DNAJC18: variants seen among roughly 807,000 people sequenced by gnomAD.
DNAJC18 encodes the protein dnaJ homolog subfamily C member 18.
DNAJC18 carries 40 observed loss-of-function variants against 48.6 expected under a neutral mutation model. That is an observed-to-expected ratio of 0.82 (90% confidence interval 0.64 to 1.07). The LOEUF (loss-of-function observed/expected upper bound fraction) is 1.07. Ranked by LOEUF, DNAJC18 falls within the 50% of genes least tolerant of loss-of-function variation. DNAJC18 has a pLI of 0.00. For missense variants in DNAJC18, 340 were observed against 427.7 expected, an observed-to-expected ratio of 0.79 and a Z score of 1.81; for synonymous variants, 135 against 152.2, an observed-to-expected ratio of 0.89 and a Z score of 0.83.
chr5:139,433,156 A>G (rs1581422238), intron 2 of DNAJC18, among the ~76,000 whole-genome samples: 1 of 152,210 alleles, frequency 6.6e-6, no homozygotes, highest in South Asian at 2.1e-4. Context: ...CATTTTCAAT[A>G]TGAGATGAAA....
chr5:139,418,572 G>T, intron 7 of DNAJC18: 1 of 334,618 alleles, frequency 3.0e-6, no homozygotes, highest in Non-Finnish European at 6.0e-6. Context: ...CAATAAATTG[G>T]AATTTCCTCT....
intron 6 of DNAJC18, among the ~76,000 whole-genome samples, chr5:139,421,381 G>A (rs1361218850): frequency 2.6e-5 from 4 of 152,138 alleles, no homozygotes; most frequent in Non-Finnish European, 5.9e-5. Flanking sequence ...CCTGGGAGAA[G>A]GGGATTACAG....
At chr5:139,422,897 G>C (rs1267663289) in intron 5 of DNAJC18, 80 bp from the exon 6 acceptor site, 58 of 874,950 alleles carry the variant, frequency 6.6e-5, no homozygotes, top group African/African-American at 1.1e-4. Context: ...GTGCAGTGGT[G>C]CGATCTCGGC....
chr5:139,420,427 T>A, intron 6 of DNAJC18: 1 of 530,400 alleles, frequency 1.9e-6, no homozygotes, highest in Non-Finnish European at 3.2e-6. Flanking sequence ...AGCAAGTTCA[T>A]ACTATGAATT....
chr5:139,430,715 T>C (rs1221299500), intron 2 of DNAJC18, among the ~76,000 whole-genome samples: 1 of 151,752 alleles, frequency 6.6e-6, no homozygotes, highest in Non-Finnish European at 1.5e-5. Context: ...GACTACAGGC[T>C]TGCATCACCA....
chr5:139,432,426 G>A (rs1294957119), intron 2 of DNAJC18, among the ~76,000 whole-genome samples: 8 of 152,130 alleles, frequency 5.3e-5, no homozygotes, highest in Non-Finnish European at 1.2e-4. Context: ...GCCTCCCAAA[G>A]TGCTGGGATT....
Position 139,411,808 on chromosome 5 carries a change from T to TG in DNAJC18, c.*2339dup, listed in dbSNP as rs1364257762. On this transcript the variant is annotated 3_prime_UTR_variant, in exon 8 of 8. Coordinates refer to ENST00000302060, the MANE Select transcript of DNAJC18 (RefSeq NM_152686.4). ...GAAGTCCATAAAATGTGTGACTACC[T>TG]GATTCCTGGGCATCTAGGACAGGGT... 1 of 152,238 alleles carries TG rather than the reference T, an allele frequency of 6.6e-6. No homozygotes were observed. The highest frequency in any genetic ancestry group is 1.5e-5 in the Non-Finnish European group (1 of 68,042). The allele number at this position is 152,238 out of a possible 1,614,324, so 9.4% of individuals were successfully genotyped here. A position where few individuals can be genotyped will look rare whatever the true frequency, so the allele number is the denominator to read the frequency against.
rs1750738704 is a variant in DNAJC18 at position 139,439,074 on chromosome 5, G to A, written c.40+332C>T. Reference sequence around the variant, plus strand: ...CCAGTTAGGCGAAAGATAAGGGCCAGGTTAGCAAGCTGCGGAGAGACCGCA... The same window carrying A: ...CCAGTTAGGCGAAAGATAAGGGCCAAGTTAGCAAGCTGCGGAGAGACCGCA... On this transcript the variant is annotated intron_variant, in intron 1 of 7. Coordinates refer to ENST00000302060, the MANE Select transcript of DNAJC18 (RefSeq NM_152686.4). This position sits in a 1 kb window ranked among gnomAD's most constrained non-coding sequence, Gnocchi z 4.1. 6.6e-6 allele frequency among the ~76,000 whole-genome samples: 1 copy of A among 152,230 alleles called. No individual in the cohort carries two copies.
In DNAJC18 at chr5:139,426,157, T is replaced by C. The variant is rs1371734688; in HGVS notation, c.559+15A>G. 2 of 1,608,118 alleles carry C rather than the reference T, an allele frequency of 1.2e-6. No homozygotes were observed. Among genetic ancestry groups the C allele is most frequent in the Non-Finnish European group, 1.7e-6 (2 of 1,178,214 alleles). ...AAAGAAATATGTTTAAGAATGATAA[T>C]TTGGGGAGACTAACCTGTAGGAAAA... On this transcript the variant is annotated intron_variant, in intron 4 of 7. Coordinates refer to ENST00000302060, the MANE Select transcript of DNAJC18 (RefSeq NM_152686.4).
intron 5 of DNAJC18, among the ~76,000 whole-genome samples, chr5:139,424,750 A>AAAAAAAAAAG (rs1759209410): frequency 7.8e-6 from 1 of 127,744 alleles, no homozygotes; most frequent in African/African-American, 2.6e-5. Context: ...AAAAAAAAAA[A>AAAAAAAAAAG]GCCTTGATGA....
intron 7 of DNAJC18, chr5:139,418,931 T>C (rs1759108738): frequency 2.2e-6 from 1 of 448,010 alleles, no homozygotes; most frequent in Admixed American, 2.4e-5. Flanking sequence ...TAACACTGTG[T>C]GATTGGTACT....
At chr5:139,423,891 C>A (rs887820794) in intron 5 of DNAJC18, among the ~76,000 whole-genome samples, 1 of 152,118 alleles carries the variant, frequency 6.6e-6, no homozygotes, top group African/African-American at 2.4e-5. Context: ...GGATTGACAC[C>A]CAGTAATCCC....
Position 139,428,594 on chromosome 5 carries a change from G to A in DNAJC18, c.317C>T (p.Ala106Val). The change falls in exon 3 of 8, where the codon GCC becomes GTC. Residue 106 changes from alanine (A) to valine (V), a missense_variant. By Grantham distance (64) the Ala-to-Val change is moderately conservative. Transcript: ENST00000302060. The stretch of plus-strand genomic sequence containing the variant: ...GTTCTTGTCAGGGTGAAATTTCAGG[G>A]CGAGTTTTCTGTAAGCTTTCTTAAG... ...EELKKAYRKL[A>V]LKFHPDKNCA... is the part of the protein sequence containing the mutation. 4 of 1,613,852 alleles carry A rather than the reference G, an allele frequency of 2.5e-6. No homozygotes were observed. The highest frequency in any genetic ancestry group is 2.5e-6 in the Non-Finnish European group (3 of 1,179,934).
chr5:139,424,084 G>A (rs1318893144), intron 5 of DNAJC18, among the ~76,000 whole-genome samples: 1 of 152,158 alleles, frequency 6.6e-6, no homozygotes, highest in Non-Finnish European at 1.5e-5. Flanking sequence ...TAGGAATTTG[G>A]GGTTGAAACT....
At chr5:139,432,332 T>C (rs1013023055) in intron 2 of DNAJC18, among the ~76,000 whole-genome samples, 5 of 151,994 alleles carry the variant, frequency 3.3e-5, no homozygotes, top group African/African-American at 9.7e-5. Context: ...ACCCAGCTAA[T>C]TTTTGTATTT....
chr5:139,426,895 ATTT>A (rs1203395792), intron 3 of DNAJC18, among the ~76,000 whole-genome samples: 3 of 152,092 alleles, frequency 2.0e-5, no homozygotes, highest in Non-Finnish European at 4.4e-5. Flanking sequence ...TTTAAAAAAA[ATTT>A]TTTTAGAGAT....
At chr5:139,433,456 A>C (rs1759363156) in intron 2 of DNAJC18, among the ~76,000 whole-genome samples, 1 of 152,120 alleles carries the variant, frequency 6.6e-6, no homozygotes, top group African/African-American at 2.4e-5. Flanking sequence ...AAAAAAAAAA[A>C]AAACAAAACT....
intron 5 of DNAJC18, among the ~76,000 whole-genome samples, chr5:139,423,878 C>T (rs1319237733): frequency 1.3e-5 from 2 of 152,146 alleles, no homozygotes; most frequent in Non-Finnish European, 2.9e-5. Flanking sequence ...CCAACAACAA[C>T]CTGGATTGAC....
intron 7 of DNAJC18, among the ~76,000 whole-genome samples, chr5:139,417,111 AC>A (rs1759080471): frequency 6.6e-6 from 1 of 151,066 alleles, no homozygotes; most frequent in South Asian, 2.1e-4. Flanking sequence ...AATCGCTTGA[AC>A]CTGGGAGGTG....
Sources: gnomAD v4.1 joint callset for allele counts (sites outside exome capture counted in the v4.1 genomes callset) on GRCh38, gnomAD v4.1.1 for gene constraint, Gnocchi (gnomAD v3.1) non-coding constraint, MANE v1.5 for transcripts, NCBI Gene and HGNC (gene_info 2026-07-23, HGNC 2026-07-21) for gene names.